Variants in WDR47 observed in about 807,000 individuals in gnomAD.
The protein encoded by WDR47 is WD repeat-containing protein 47.
In WDR47, 32 loss-of-function variants were observed where a neutral mutation model predicts 97.2. The observed-to-expected ratio is 0.33, with a 90% CI of 0.25 to 0.44. WDR47 has a LOEUF of 0.44. WDR47 is among the 20% of genes least tolerant of loss of function. The pLI is 1.00. For synonymous variants in WDR47, 375 were observed against 373.5 expected (o/e 1.00, Z -0.05); for missense variants, 782 against 1,102.3 (o/e 0.71, Z 4.11).
intron 2 of WDR47, among the ~76,000 whole-genome samples, chr1:109,021,190 T>C (rs1661809817): frequency 1.3e-5 from 2 of 152,196 alleles, no homozygotes; most frequent in Admixed American, 1.3e-4. Flanking sequence ...TGCCTTGCAA[T>C]TCCACCTCTA....
chr1:108,995,580 A>C lies in WDR47; in HGVS notation c.1691T>G (p.Ile564Ser). 6.2e-7 allele frequency: 1 copy of C among 1,613,880 alleles called. No homozygotes were observed. The highest frequency in any genetic ancestry group is 8.5e-7 in the Non-Finnish European group (1 of 1,179,744). Reference protein sequence around the residue: ...FLEESPCGSQISSEHSVIKPP... With the variant: ...FLEESPCGSQSSSEHSVIKPP... Reference sequence around the variant, plus strand: ...AAGTTTTACAAAGTCAAGCACTTACATTTGGCTTCCACAAGGTGATTCCTC... The same window carrying C: ...AAGTTTTACAAAGTCAAGCACTTACCTTTGGCTTCCACAAGGTGATTCCTC... The change falls in exon 8 of 15, where the codon ATC (isoleucine) becomes AGC (serine). Residue 564 changes from isoleucine (I) to serine (S), a missense_variant and splice_region_variant. This residue lies in a region of WDR47 where 126 missense variants were observed against 121.3 expected (regional missense o/e 1.04). Coordinates refer to ENST00000369962, the MANE Select transcript of WDR47 (RefSeq NM_001142551.2).
At chr1:109,038,994 TAATAAATA>T (rs200117651) in intron 1 of WDR47, among the ~76,000 whole-genome samples, 13 of 139,584 alleles carry the variant, frequency 9.3e-5, no homozygotes, top group African/African-American at 2.5e-4. Context: ...ATAACAATAA[TAATAAATA>T]AATAAATAAA....
intron 13 of WDR47, among the ~76,000 whole-genome samples, chr1:108,980,841 A>G (rs1261639869): frequency 2.0e-5 from 3 of 151,904 alleles, no homozygotes; most frequent in African/African-American, 4.8e-5. Flanking sequence ...AAGGTGGTAC[A>G]ATGCAGCCAG....
At chr1:109,029,769 C>T (rs535802212) in intron 1 of WDR47, among the ~76,000 whole-genome samples, 3 of 150,328 alleles carry the variant, frequency 2.0e-5, no homozygotes, top group African/African-American at 7.3e-5. Flanking sequence ...CCCAGCTACT[C>T]GAGAGGCTGA....
At chr1:109,034,230 G>T (rs1354751560) in intron 1 of WDR47, among the ~76,000 whole-genome samples, 1 of 152,234 alleles carries the variant, frequency 6.6e-6, no homozygotes, top group Non-Finnish European at 1.5e-5. Flanking sequence ...GGAGGTTGCA[G>T]TGAGCTGGGA....
At position 109,023,408 on chromosome 1, in the gene WDR47, C is replaced by T. The variant is rs1289429104; in HGVS notation, c.105G>A (p.Glu35=). 4 of 1,613,760 alleles carry T rather than the reference C, an allele frequency of 2.5e-6. No homozygotes were observed. The highest frequency in any genetic ancestry group is 3.4e-6 in the Non-Finnish European group (4 of 1,179,922). Residue 35 remains glutamate, a synonymous_variant, in exon 2 of 15, where the codon GAG becomes GAA. Transcript: ENST00000369962. ...GGCCATTTATGACTCCACTTTCCTT[C>T]TCCAGGGCCAGCATACTAATGTGAA... ...KKLHISMLAL[E]KESGVINGLF...
chr1:109,021,091 C>T (rs1661804371), intron 2 of WDR47, among the ~76,000 whole-genome samples: 1 of 152,158 alleles, frequency 6.6e-6, no homozygotes, highest in African/African-American at 2.4e-5. Flanking sequence ...GAATACACTT[C>T]TGCCTGCAAA....
chr1:108,995,780 T>C lies in WDR47; in HGVS notation c.1491A>G (p.Val497=), dbSNP rs779727997. The C allele has an allele frequency of 4.3e-6, 7 of 1,614,158 alleles. No individual in the cohort carries two copies. In the East Asian group the frequency reaches 6.7e-5, roughly 15 times the overall value. ...CATTACATTGCTGGTTGAGTGCTGA[T>C]ACCTCATTACCAAGGCCATCCATTC... The part of the protein sequence containing the change: ...NIGMDGLGNE[V]SALNQQCNGS... The change falls in exon 8 of 15, where the codon GTA becomes GTG. Residue 497 remains valine (V), a synonymous_variant. Coordinates refer to ENST00000369962, the MANE Select transcript of WDR47 (RefSeq NM_001142551.2).
chr1:109,028,687 G>A (rs1050048336), intron 1 of WDR47, among the ~76,000 whole-genome samples: 5 of 150,442 alleles, frequency 3.3e-5, no homozygotes, highest in African/African-American at 4.9e-5. Flanking sequence ...TCCTGATCTC[G>A]TCATCCGCCC....
At chr1:109,020,235 GTTTTT>G (rs1271064037) in intron 2 of WDR47, among the ~76,000 whole-genome samples, 1 of 146,142 alleles carries the variant, frequency 6.8e-6, no homozygotes, top group Non-Finnish European at 1.5e-5. Context: ...ATATTTAGTT[GTTTTT>G]TTTTTTTTTT....
rs146333614 is a variant in WDR47, at chr1:109,026,216, T to G, written c.-9-2695A>C. The stretch of plus-strand genomic sequence containing the variant: ...TGTGTGCCACCGTACCCAGCTAATT[T>G]TTTATTTTACTTTTTGTAGAGACGG... On this transcript the variant is annotated intron_variant, in intron 1 of 14. Coordinates refer to ENST00000369962, the MANE Select transcript of WDR47 (RefSeq NM_001142551.2). Among the ~76,000 whole-genome samples the G allele has an allele frequency of 2.7e-3, 413 of 152,058 alleles. 4 individuals carry two copies. The highest frequency in any genetic ancestry group is 9.5e-3 in the African/African-American group (392 of 41,470).
At chr1:109,026,015 C>T (rs1336315552) in intron 1 of WDR47, among the ~76,000 whole-genome samples, 2 of 151,806 alleles carry the variant, frequency 1.3e-5, no homozygotes, top group African/African-American at 2.4e-5. Flanking sequence ...AAAGAGGATA[C>T]GGTAAAATAA....
intron 1 of WDR47, among the ~76,000 whole-genome samples, chr1:109,027,062 AT>A (rs922665124): frequency 8.1e-4 from 120 of 147,828 alleles, no homozygotes; most frequent in Middle Eastern, 7.0e-3. Context: ...CCAACACAGA[AT>A]TTTTTTTTTT....
intron 5 of WDR47, among the ~76,000 whole-genome samples, chr1:109,006,344 G>A (rs564429008): frequency 3.1e-4 from 47 of 149,730 alleles, no homozygotes; most frequent in African/African-American, 1.1e-3. Flanking sequence ...GGTGAGCCGA[G>A]ATCGCGCCAT....
chr1:109,010,829 A>T, intron 5 of WDR47, 87 bp downstream of exon 5: 1 of 1,304,178 alleles, frequency 7.7e-7, no homozygotes, highest in Non-Finnish European at 1.1e-6. Context: ...TGATCCACCC[A>T]CCTCGGCCTC....
Position 109,011,265 on chromosome 1 carries a change from CAA to C in WDR47, c.779_780del (p.Phe260Ter). On this transcript the variant is annotated frameshift_variant, in exon 5 of 15. Coordinates refer to ENST00000369962, the MANE Select transcript of WDR47 (RefSeq NM_001142551.2). LOFTEE classifies it high-confidence loss of function. ...NLPSSVFSCA[F>X]EQKMLNIHVD... ...ACATGAATATTAAGCATTTTCTGTT[CAA>C]AAGCACAAGAGAAGACAGAAGATGG... 1 of 1,614,074 alleles carries C rather than the reference CAA, an allele frequency of 6.2e-7. No homozygotes were observed. The highest frequency in any genetic ancestry group is 8.5e-7 in the Non-Finnish European group (1 of 1,180,022).
At chr1:109,017,178 C>G (rs1661478758) in intron 3 of WDR47, among the ~76,000 whole-genome samples, 2 of 152,110 alleles carry the variant, frequency 1.3e-5, no homozygotes, top group African/African-American at 4.8e-5. Flanking sequence ...ATTAAATCAA[C>G]TTAAAATAAT....
intron 5 of WDR47, among the ~76,000 whole-genome samples, chr1:109,008,175 C>T (rs577816201): frequency 2.6e-5 from 4 of 152,226 alleles, no homozygotes; most frequent in East Asian, 1.9e-4. Flanking sequence ...TTAGATTCTC[C>T]TCTCTAAAGC....
intron 2 of WDR47, among the ~76,000 whole-genome samples, chr1:109,018,453 T>C (rs988280002): frequency 1.7e-4 from 23 of 133,130 alleles, no homozygotes; most frequent in Non-Finnish European, 9.8e-5. Context: ...AAAAAAAAAA[T>C]GGACTAAGCT....
Sources: allele counts gnomAD v4.1 joint callset (sites outside exome capture counted in the v4.1 genomes callset), GRCh38; gene constraint gnomAD v4.1.1; regional missense constraint gnomAD v4.1.1; transcripts MANE v1.5; gene names NCBI Gene and HGNC (gene_info 2026-07-23, HGNC 2026-07-21).